SPATA13: variants seen among roughly 807,000 people sequenced by gnomAD.
SPATA13 encodes the protein spermatogenesis-associated protein 13.
Under a neutral mutation model 104.0 loss-of-function variants are expected in SPATA13, and 50 were observed. That is an observed-to-expected ratio of 0.48 (90% CI 0.38 to 0.61). The LOEUF (loss-of-function observed/expected upper bound fraction) is 0.61. Ranked by LOEUF, SPATA13 falls within the 20% of genes least tolerant of loss-of-function variation. The pLI is 0.00. For missense variants in SPATA13, 1,524 were observed against 1,690.6 expected, an observed-to-expected ratio of 0.90 and a Z score of 1.73; for synonymous variants, 606 against 667.5, an observed-to-expected ratio of 0.91 and a Z score of 1.42.
At chr13:24,082,212 G>C (rs1207236033) in intron 3 of SPATA13, among the ~76,000 whole-genome samples, 1 of 152,188 alleles carries the variant, frequency 6.6e-6, no homozygotes, top group Non-Finnish European at 1.5e-5. Context: ...CTTCAACAGG[G>C]GAGGACGCTG....
chr13:24,282,331 A>T (rs780468110), intron 4 of SPATA13, among the ~76,000 whole-genome samples: 1 of 152,250 alleles, frequency 6.6e-6, no homozygotes, highest in Non-Finnish European at 1.5e-5. Flanking sequence ...ATCCTTTTCT[A>T]GTCAAGTAAC....
chr13:24,211,944 TAAC>T (rs1871041059), intron 1 of SPATA13, among the ~76,000 whole-genome samples: 2 of 152,134 alleles, frequency 1.3e-5, no homozygotes, highest in Admixed American at 6.5e-5. Context: ...TCAGGCTTCA[TAAC>T]AACACCAGTG....
rs754578673 is a variant in SPATA13, at chr13:24,300,562, C to A, written c.3658+87C>A. On this transcript the variant is annotated intron_variant, in intron 12 of 12. Coordinates refer to ENST00000382108, the MANE Select transcript of SPATA13 (RefSeq NM_001166271.3). ...CATACCCCAAGTTGTCAGCCTGTGA[C>A]CAGCTTGGAGCAAGGAGAACAGTAG... 3.2e-6 allele frequency: 4 copies of A among 1,230,864 alleles called. No individual in the cohort carries two copies. In the East Asian group the frequency reaches 9.8e-5, roughly 30 times the overall value. 76.2% of individuals were successfully genotyped at this position (1,230,864 alleles called of 1,614,324 possible). A position where few individuals can be genotyped will look rare whatever the true frequency, so the allele number is the denominator to read the frequency against.
chr13:24,271,675 C>T (rs1391904789), intron 4 of SPATA13, among the ~76,000 whole-genome samples: 1 of 152,216 alleles, frequency 6.6e-6, no homozygotes, highest in South Asian at 2.1e-4. Flanking sequence ...TTTTCCCTGG[C>T]TGCACTACAT....
intron 7 of SPATA13, 63 bp downstream of exon 7, chr13:24,287,013 C>CTT: frequency 1.4e-6 from 2 of 1,464,526 alleles, no homozygotes; most frequent in Non-Finnish European, 1.9e-6. Context: ...GGTGCCTGGG[C>CTT]TTTCTCCCCA....
At chr13:24,073,001 T>C (rs1008226107) in intron 3 of SPATA13, among the ~76,000 whole-genome samples, 6 of 152,132 alleles carry the variant, frequency 3.9e-5, no homozygotes, top group Non-Finnish European at 2.9e-5. Flanking sequence ...CTGTCCAACA[T>C]TGATCCCGTA....
At chr13:24,085,059 C>T (rs751811304) in intron 3 of SPATA13, among the ~76,000 whole-genome samples, 3 of 151,750 alleles carry the variant, frequency 2.0e-5, no homozygotes, top group Non-Finnish European at 2.9e-5. Flanking sequence ...GTTGGGGAGG[C>T]GGTGCCTTCG....
At chr13:24,065,456 G>A (rs9507235) in intron 3 of SPATA13, among the ~76,000 whole-genome samples, 136,449 of 152,170 alleles carry the variant, frequency 0.9, 61,786 homozygotes, top group South Asian at 0.98. Flanking sequence ...TGGAAATACA[G>A]CCACCTGTAG....
intron 3 of SPATA13, chr13:24,122,712 A>C: frequency 4.3e-6 from 4 of 924,032 alleles, no homozygotes; most frequent in Non-Finnish European, 7.2e-6. Context: ...ATTACGAAGG[A>C]GGAGCATCAT....
chr13:24,222,331 C>T (rs1871631666), intron 1 of SPATA13, among the ~76,000 whole-genome samples: 2 of 152,190 alleles, frequency 1.3e-5, no homozygotes, highest in African/African-American at 4.8e-5. Context: ...ATGTGGGGCT[C>T]CATCTCTGCT....
At chr13:24,274,028 G>A (rs1218046556) in intron 4 of SPATA13, among the ~76,000 whole-genome samples, 1 of 152,152 alleles carries the variant, frequency 6.6e-6, no homozygotes, top group South Asian at 2.1e-4. Context: ...GAATTTGATG[G>A]GCTGTTTTGG....
chr13:24,072,248 C>T (rs1879187959), intron 3 of SPATA13, among the ~76,000 whole-genome samples: 1 of 152,088 alleles, frequency 6.6e-6, no homozygotes, highest in African/African-American at 2.4e-5. Context: ...TTTTAAAAGC[C>T]CTCAAGTCAT....
intron 3 of SPATA13, among the ~76,000 whole-genome samples, chr13:24,079,600 C>T (rs548998138): frequency 1.8e-4 from 27 of 152,238 alleles, no homozygotes; most frequent in Non-Finnish European, 3.8e-4. Context: ...CAGGGGGGTC[C>T]TGACGGCTTG....
intron 3 of SPATA13, among the ~76,000 whole-genome samples, chr13:24,076,812 G>C (rs1879343912): frequency 6.6e-6 from 1 of 151,894 alleles, no homozygotes; most frequent in African/African-American, 2.4e-5. Flanking sequence ...GCAGAAGGCA[G>C]TCCCAGGGGG....
At chr13:24,020,993 A>G (rs1388231205) in intron 3 of SPATA13, among the ~76,000 whole-genome samples, 1 of 152,222 alleles carries the variant, frequency 6.6e-6, no homozygotes, top group Non-Finnish European at 1.5e-5. Flanking sequence ...CAGGGCCTAG[A>G]TCGAGACACT....
At chr13:24,279,917 T>G (rs1875371211) in intron 4 of SPATA13, among the ~76,000 whole-genome samples, 1 of 152,268 alleles carries the variant, frequency 6.6e-6, no homozygotes. Context: ...CAAGCCATCT[T>G]GCTTCCGCAG....
At chr13:24,074,483 G>A (rs1366179811) in intron 3 of SPATA13, among the ~76,000 whole-genome samples, 1 of 149,712 alleles carries the variant, frequency 6.7e-6, no homozygotes, top group African/African-American at 2.4e-5. Flanking sequence ...TATATGCTTA[G>A]CACATTTAAT....
intron 1 of SPATA13, among the ~76,000 whole-genome samples, chr13:24,208,751 G>T (rs1054672715): frequency 2.0e-5 from 3 of 152,170 alleles, no homozygotes; most frequent in Admixed American, 6.5e-5. Context: ...TCAGCTGGCT[G>T]GAAAGGGATA....
chr13:24,050,007 G>A (rs1036115943), intron 3 of SPATA13, among the ~76,000 whole-genome samples: 4 of 152,064 alleles, frequency 2.6e-5, no homozygotes, highest in African/African-American at 9.7e-5. Flanking sequence ...CAAGTAGCTG[G>A]GATTACAGGT....
Sources: allele counts gnomAD v4.1 joint callset (sites outside exome capture counted in the v4.1 genomes callset), GRCh38; gene constraint gnomAD v4.1.1; transcripts MANE v1.5; gene names NCBI Gene and HGNC (gene_info 2026-07-23, HGNC 2026-07-21).